Variants in SYNPO2 observed in about 807,000 individuals in gnomAD.
SYNPO2 encodes synaptopodin-2.
In SYNPO2, 56 loss-of-function variants were observed where a neutral mutation model predicts 85.0. The ratio of observed to expected loss-of-function variants is 0.66; its 90% CI spans 0.53 to 0.82. The LOEUF (loss-of-function observed/expected upper bound fraction) is 0.82, where lower values mean the gene tolerates loss of function less well. Among genes scored for constraint, SYNPO2 ranks in the 40% least tolerant of loss-of-function variants. The pLI is 0.00. For synonymous variants in SYNPO2, 602 were observed against 591.1 expected (o/e 1.02, Z -0.27); for missense variants, 1,575 against 1,534.2 (o/e 1.03, Z -0.44).
intron 4 of SYNPO2, chr4:119,034,492 G>C (rs1738417418): frequency 1.0e-6 from 1 of 985,286 alleles, no homozygotes; most frequent in South Asian, 4.7e-5. Flanking sequence ...TATGCCTTCT[G>C]GTCATCCTAG....
At position 119,026,982 on chromosome 4, in the gene SYNPO2, C is replaced by G. The variant is rs1276408480; in HGVS notation, c.613C>G (p.Gln205Glu). The change falls in exon 3 of 5, where the codon CAG (glutamine) becomes GAG (glutamate). Residue 205 changes from glutamine (Q) to glutamate (E), a missense_variant. Physicochemically the swap from Gln to Glu is conservative, Grantham distance 29. Coordinates refer to ENST00000307142, the MANE Select transcript of SYNPO2 (RefSeq NM_133477.3). Reference protein sequence around the residue: ...PVVELQLSLSQERHKGASGPL... With the variant: ...PVVELQLSLSEERHKGASGPL... ...GGTTGAGCTGCAACTGTCCCTTTCA[C>G]AGGAGAGACATAAGGGCGCTAGTGG... The G allele has an allele frequency of 6.2e-7, 1 of 1,614,168 alleles. No homozygotes were observed. Among genetic ancestry groups the G allele is most frequent in the Non-Finnish European group, 8.5e-7 (1 of 1,180,032 alleles).
At position 119,027,048 on chromosome 4, in the gene SYNPO2, C is replaced by A; in HGVS notation, c.679C>A (p.Pro227Thr). 6.2e-7 allele frequency: 1 copy of A among 1,614,030 alleles called. No homozygotes were observed. Among genetic ancestry groups the A allele is most frequent in the Non-Finnish European group, 8.5e-7 (1 of 1,179,942 alleles). The change falls in exon 3 of 5, where the codon CCT becomes ACT. Residue 227 changes from proline (P) to threonine (T), a missense_variant. Physicochemically the swap from Pro to Thr is conservative, Grantham distance 38. Transcript: ENST00000307142. ...CCCGGGAGCTGAAAAATCTAAGTCT[C>A]CTGACCCAGACCCTAACTTGTCACA... The part of the protein sequence containing the change: ...ALPGAEKSKS[P>T]DPDPNLSHDR...
chr4:119,040,246 C>A (rs938094317), intron 4 of SYNPO2, among the ~76,000 whole-genome samples: 5 of 152,172 alleles, frequency 3.3e-5, no homozygotes, highest in African/African-American at 1.2e-4. Flanking sequence ...TAAACAAGTT[C>A]TTTTGTGTTC....
At chr4:119,017,765 T>A (rs1481462456) in intron 1 of SYNPO2, among the ~76,000 whole-genome samples, 1 of 152,192 alleles carries the variant, frequency 6.6e-6, no homozygotes, top group East Asian at 1.9e-4. Context: ...TATCACCCAC[T>A]CTGACATTTT....
At chr4:118,901,885 A>G (rs185354269) in intron 1 of SYNPO2, among the ~76,000 whole-genome samples, 104 of 152,336 alleles carry the variant, frequency 6.8e-4, no homozygotes, top group Non-Finnish European at 1.2e-3. Context: ...AATGTTAGTT[A>G]GTGCTCATTT....
chr4:118,894,889 T>C (rs761510134), intron 1 of SYNPO2, among the ~76,000 whole-genome samples: 46 of 152,064 alleles, frequency 3.0e-4, no homozygotes, highest in South Asian at 8.3e-4. Context: ...CTTCTTGTTA[T>C]GCCCAGTCAA....
chr4:118,958,134 TTACTC>T lies in SYNPO2; in HGVS notation c.106-65294_106-65290del, dbSNP rs544528702. Among the ~76,000 whole-genome samples, 176 of 152,276 alleles carry T rather than the reference TTACTC, an allele frequency of 1.2e-3. 1 individual carries two copies. Among genetic ancestry groups the T allele is most frequent in the Middle Eastern group, 6.8e-3 (2 of 294 alleles). ...TTAACTTTTCATCTTTCAAGGGACT[TTACTC>T]TTAGCATTTTTGAAGAGTGGGCATT... is the stretch of plus-strand genomic sequence containing the variant. On this transcript the variant is annotated intron_variant, in intron 1 of 4. Coordinates refer to ENST00000307142, the MANE Select transcript of SYNPO2 (RefSeq NM_133477.3).
chr4:119,021,389 G>A (rs1560987925), intron 1 of SYNPO2, among the ~76,000 whole-genome samples: 3 of 152,162 alleles, frequency 2.0e-5, no homozygotes, highest in South Asian at 2.1e-4. Context: ...AATAAGCCTA[G>A]CCATGAAAAC....
At chr4:118,852,830 C>T (rs1199562442) in intron 1 of SYNPO2, among the ~76,000 whole-genome samples, 1 of 152,110 alleles carries the variant, frequency 6.6e-6, no homozygotes, top group East Asian at 1.9e-4. Context: ...ACAAGTTTAC[C>T]TATATAACAA....
intron 1 of SYNPO2, among the ~76,000 whole-genome samples, chr4:118,939,142 A>G (rs916957548): frequency 7.2e-5 from 11 of 152,240 alleles, no homozygotes; most frequent in African/African-American, 2.7e-4. Flanking sequence ...CTCCTTGACA[A>G]CAACAACAAA....
chr4:118,902,802 AC>A (rs1202064658), intron 1 of SYNPO2, among the ~76,000 whole-genome samples: 1 of 152,208 alleles, frequency 6.6e-6, no homozygotes, highest in African/African-American at 2.4e-5. Flanking sequence ...TTAGATCTGT[AC>A]TAGATCACTT....
intron 1 of SYNPO2, among the ~76,000 whole-genome samples, chr4:118,969,504 G>A (rs1201637106): frequency 1.3e-5 from 2 of 152,122 alleles, no homozygotes; most frequent in Admixed American, 6.6e-5. Context: ...GGTGTGGAGC[G>A]CCAGTCTTTT....
intron 1 of SYNPO2, among the ~76,000 whole-genome samples, chr4:118,977,116 G>A (rs1735795061): frequency 6.6e-6 from 1 of 152,208 alleles, no homozygotes; most frequent in Non-Finnish European, 1.5e-5. Context: ...GCTCGTCAGG[G>A]AGGCTCGGGC....
In SYNPO2 at chr4:119,026,805, C is replaced by G. The variant is rs1474892832; in HGVS notation, c.436C>G (p.Gln146Glu). Residue 146 changes from glutamine (Q) to glutamate (E), a missense_variant, in exon 3 of 5, where the codon CAA (glutamine) becomes GAA (glutamate). By Grantham distance (29) the Gln-to-Glu change is conservative (BLOSUM62 2). This residue lies in a region of SYNPO2 where 1,508 missense variants were observed against 1,446.8 expected (regional missense o/e 1.04). Transcript: ENST00000307142. ...GACTGAAGTTCCCCTAGCTGAGAAC[C>G]AAAGAAGTGGTCCCGACTGTGCAGG... ...VKTEVPLAENQRSGPDCAGSL... is the reference protein window; with the variant it reads ...VKTEVPLAENERSGPDCAGSL... 1.3e-6 allele frequency: 2 copies of G among 1,592,272 alleles called. No individual in the cohort carries two copies. Among genetic ancestry groups the G allele is most frequent in the East Asian group, 4.6e-5 (2 of 43,460 alleles).
In SYNPO2 at chr4:118,961,603, A is replaced by G. The variant is rs558992796; in HGVS notation, c.106-61827A>G. On this transcript the variant is annotated intron_variant, in intron 1 of 4. Coordinates refer to ENST00000307142, the MANE Select transcript of SYNPO2 (RefSeq NM_133477.3). ...CACGTTAGTCTATTTTTAACTTCCT[A>G]TATAGCTCTAATTTATCTTATATTT... Among the ~76,000 whole-genome samples, 14 of 152,198 alleles carry G rather than the reference A, an allele frequency of 9.2e-5. No homozygotes were observed. In the South Asian group the frequency reaches 2.5e-3, roughly 27 times the overall value.
intron 1 of SYNPO2, among the ~76,000 whole-genome samples, chr4:118,965,036 C>T (rs1266311131): frequency 6.6e-6 from 1 of 152,126 alleles, no homozygotes; most frequent in African/African-American, 2.4e-5. Context: ...TGACTTCCTG[C>T]TTTCTAATGT....
At chr4:118,892,193 A>T (rs1431424415) in intron 1 of SYNPO2, among the ~76,000 whole-genome samples, 1 of 152,204 alleles carries the variant, frequency 6.6e-6, no homozygotes, top group Non-Finnish European at 1.5e-5. Flanking sequence ...TAACAGGAAT[A>T]TTCATTATCA....
chr4:118,902,261 C>T (rs1732782021), intron 1 of SYNPO2, among the ~76,000 whole-genome samples: 1 of 152,152 alleles, frequency 6.6e-6, no homozygotes, highest in Non-Finnish European at 1.5e-5. Flanking sequence ...GATGTAGCAG[C>T]CTACTGACCA....
chr4:118,852,066 T>C (rs563571140), intron 1 of SYNPO2, among the ~76,000 whole-genome samples: 1 of 152,338 alleles, frequency 6.6e-6, no homozygotes, highest in South Asian at 2.1e-4. Context: ...ATTTGAATGA[T>C]TTTGCAACAT....
Sources: gnomAD v4.1 joint callset for allele counts (sites outside exome capture counted in the v4.1 genomes callset) on GRCh38, gnomAD v4.1.1 for gene constraint, gnomAD v4.1.1 regional missense constraint, MANE v1.5 for transcripts, NCBI Gene and HGNC (gene_info 2026-07-23, HGNC 2026-07-21) for gene names.